The following LAMA4 variants were observed in gnomAD, a reference collection of about 807,000 sequenced individuals.
LAMA4 encodes laminin subunit alpha 4, also known as laminin subunit alpha-4.
Under a neutral mutation model 207.1 loss-of-function variants are expected in LAMA4, and 127 were observed. That is an observed-to-expected ratio of 0.61 (90% CI 0.53 to 0.71). The LOEUF is 0.71. Ranked by LOEUF, LAMA4 falls within the 30% of genes least tolerant of loss-of-function variation. The pLI, the probability that LAMA4 is intolerant of heterozygous loss-of-function variation, is 0.00. For synonymous variants in LAMA4, 761 were observed against 816.0 expected, an observed-to-expected ratio of 0.93 and a Z score of 1.15; for missense variants, 2,093 against 2,246.5, an observed-to-expected ratio of 0.93 and a Z score of 1.38.
intron 2 of LAMA4, among the ~76,000 whole-genome samples, chr6:112,224,590 T>C (rs1583940304): frequency 6.6e-6 from 1 of 151,788 alleles, no homozygotes; most frequent in South Asian, 2.1e-4. Context: ...CTGAGGCAGG[T>C]AGATCACTTG....
chr6:112,160,299 C>A (rs1031514396), intron 13 of LAMA4, among the ~76,000 whole-genome samples: 1 of 152,086 alleles, frequency 6.6e-6, no homozygotes, highest in Non-Finnish European at 1.5e-5. Flanking sequence ...ACAAAAATTT[C>A]TCTCCAATTT....
At chr6:112,137,261 A>G (rs917901629) in intron 24 of LAMA4, among the ~76,000 whole-genome samples, 1 of 152,224 alleles carries the variant, frequency 6.6e-6, no homozygotes, top group Non-Finnish European at 1.5e-5. Context: ...CCTATTCTAT[A>G]GGAAGTGATC....
chr6:112,155,467 C>A, intron 15 of LAMA4, 98 bp downstream of exon 15: 1 of 1,351,468 alleles, frequency 7.4e-7, no homozygotes, highest in South Asian at 1.2e-5. Flanking sequence ...ACTCTTTCTG[C>A]CATTTGGATT....
intron 28 of LAMA4, 116 bp downstream of exon 28, chr6:112,132,637 G>C: frequency 1.1e-6 from 1 of 949,824 alleles, no homozygotes; most frequent in African/African-American, 1.6e-5. Flanking sequence ...GTGTGTCTAC[G>C]TGTGAGTCAA....
intron 12 of LAMA4, among the ~76,000 whole-genome samples, chr6:112,165,958 G>A (rs1554339821): frequency 6.6e-6 from 1 of 152,158 alleles, no homozygotes; most frequent in Non-Finnish European, 1.5e-5. Context: ...GGCTTCCAAT[G>A]AGTTTAGAGT....
rs189044441 is a variant in LAMA4, at chr6:112,141,962, T to A, written c.2667+157A>T. On this transcript the variant is annotated intron_variant, in intron 20 of 38. Transcript: ENST00000230538. ...CACAGAGAAGAAATGACTTGTCCTT[T>A]AGTCATTCTTTTAATTTTGCCATTA... Among the ~76,000 whole-genome samples, 20 of 152,328 alleles carry A rather than the reference T, an allele frequency of 1.3e-4. No individual in the cohort carries two copies. The East Asian group carries it at 3.9e-3, about 29-fold the overall frequency.
rs1554325196 is a variant in LAMA4, at chr6:112,119,189, A to G, written c.4788T>C (p.Gly1596=). 1 of 1,613,900 alleles carries G rather than the reference A, an allele frequency of 6.2e-7. No individual in the cohort carries two copies. The highest frequency in any genetic ancestry group is 1.7e-5 in the Admixed American group (1 of 59,970). The change falls in exon 34 of 39, where the codon GGT becomes GGC. Residue 1596 remains glycine, a synonymous_variant. Coordinates refer to ENST00000230538, the MANE Select transcript of LAMA4 (RefSeq NM_001105206.3). ...TTTTCACAGCCTTTCCAGGAGCCAC[A>G]CCTCCCAAATAAATGGGACCCTTGA... is the stretch of plus-strand genomic sequence containing the variant. ...WKIKGPIYLG[G]VAPGKAVKNV...
At position 112,246,023 on chromosome 6, in the gene LAMA4, G is replaced by A. The variant is rs750685123; in HGVS notation, c.195+7933C>T. ...GATAAAAAGACTCAGATTCAGAGCC[G>A]AACTGCTGGCAGCTGAATTTCATTA... On this transcript the variant is annotated intron_variant, in intron 2 of 38. Transcript: ENST00000230538. Among the ~76,000 whole-genome samples, 54 of 152,178 alleles carry A rather than the reference G, an allele frequency of 3.5e-4. 1 individual carries two copies. The highest frequency in any genetic ancestry group is 7.2e-4 in the Non-Finnish European group (49 of 68,010).
At position 112,112,712 on chromosome 6, in the gene LAMA4, GT is replaced by G. The variant is rs367746220; in HGVS notation, c.5326+1363del. On this transcript the variant is annotated intron_variant, in intron 38 of 38. Transcript: ENST00000230538. ...TCTCAAATATTTTTTTTCACACCGG[GT>G]TACTATTATTGTCAATACTAGTATT... is the stretch of plus-strand genomic sequence containing the variant. Among the ~76,000 whole-genome samples, 30 of 152,220 alleles carry G rather than the reference GT, an allele frequency of 2.0e-4. 1 individual carries two copies. The South Asian group carries it at 5.4e-3, about 27-fold the overall frequency.
intron 12 of LAMA4, among the ~76,000 whole-genome samples, chr6:112,169,053 A>AT (rs1395806129): frequency 2.6e-5 from 4 of 152,328 alleles, no homozygotes; most frequent in Admixed American, 2.6e-4. Flanking sequence ...GACTCAGATC[A>AT]TGGGTGGCTG....
chr6:112,134,635 C>A (rs1554330949), intron 25 of LAMA4, 26 bp from the exon 26 acceptor site: 1 of 1,543,294 alleles, frequency 6.5e-7, no homozygotes, highest in East Asian at 2.2e-5. Flanking sequence ...TATAGTAAGC[C>A]TTGATTAACT....
At chr6:112,195,151 C>T (rs547329349) in intron 5 of LAMA4, among the ~76,000 whole-genome samples, 62 of 152,244 alleles carry the variant, frequency 4.1e-4, no homozygotes, top group Non-Finnish European at 7.6e-4. Flanking sequence ...GTCAAGAGTG[C>T]CCAAACTCCT....
At chr6:112,120,791 C>G (rs1317997072) in intron 32 of LAMA4, among the ~76,000 whole-genome samples, 4 of 152,118 alleles carry the variant, frequency 2.6e-5, no homozygotes, top group African/African-American at 9.7e-5. Flanking sequence ...GGCCTATAAT[C>G]CCAGCAATTT....
At chr6:112,121,669 C>T in intron 32 of LAMA4, 1 of 328,266 alleles carries the variant, frequency 3.0e-6, no homozygotes, top group Non-Finnish European at 5.9e-6. Flanking sequence ...CTCCCATTTA[C>T]AATCTGAAAG....
chr6:112,247,832 C>G (rs541956723), intron 2 of LAMA4, among the ~76,000 whole-genome samples: 6 of 152,222 alleles, frequency 3.9e-5, no homozygotes, highest in African/African-American at 1.2e-4. Flanking sequence ...AAGGTAGAAA[C>G]GACCCAAATG....
chr6:112,208,275 C>G (rs186449666), intron 3 of LAMA4, among the ~76,000 whole-genome samples: 56 of 152,240 alleles, frequency 3.7e-4, no homozygotes, highest in Non-Finnish European at 6.5e-4. Flanking sequence ...AGTGGAGGAG[C>G]CTTGGGAAAG....
intron 8 of LAMA4, chr6:112,186,795 G>C (rs1782709607): frequency 2.2e-6 from 1 of 451,006 alleles, no homozygotes; most frequent in Non-Finnish European, 4.4e-6. Flanking sequence ...TCTGTGATTG[G>C]TTGAATCTGA....
chr6:112,240,006 A>G (rs782337416), intron 2 of LAMA4, among the ~76,000 whole-genome samples: 3 of 152,090 alleles, frequency 2.0e-5, no homozygotes, highest in Non-Finnish European at 4.4e-5. Context: ...CAGTGAGCCT[A>G]GGTCGCGCCA....
rs533478960 is a variant in LAMA4 at position 112,220,219 on chromosome 6, T to G, written c.196-3750A>C. 3.9e-5 allele frequency among the ~76,000 whole-genome samples: 6 copies of G among 152,278 alleles called. 1 individual carries two copies. The South Asian group carries it at 1.2e-3, about 32-fold the overall frequency. On this transcript the variant is annotated intron_variant, in intron 2 of 38. Transcript: ENST00000230538. ...GACCAATTACCTTCCACTAAGTTAC[T>G]TGTAGATCTTTTACAGCTCTTTATT...
Sources: allele counts gnomAD v4.1 joint callset (sites outside exome capture counted in the v4.1 genomes callset), GRCh38; gene constraint gnomAD v4.1.1; transcripts MANE v1.5; gene names NCBI Gene and HGNC (gene_info 2026-07-23, HGNC 2026-07-21).